The following NFATC2 variants were observed in gnomAD, a reference collection of about 807,000 sequenced individuals.
NFATC2 encodes the protein nuclear factor of activated T cells 2.
Under a neutral mutation model 87.3 loss-of-function variants are expected in NFATC2, and 22 were observed. The observed-to-expected ratio is 0.25, with a 90% confidence interval of 0.18 to 0.36. NFATC2 has a LOEUF of 0.36. Ranked by LOEUF, NFATC2 falls within the 10% of genes least tolerant of loss-of-function variation. NFATC2 has a pLI of 1.00. For synonymous variants in NFATC2, 565 were observed against 542.2 expected, an observed-to-expected ratio of 1.04 and a Z score of -0.58; for missense variants, 1,149 against 1,259.1, an observed-to-expected ratio of 0.91 and a Z score of 1.32.
Position 51,389,524 on chromosome 20 carries a change from T to G in NFATC2, c.*1972A>C, listed in dbSNP as rs1986099147. The G allele has an allele frequency of 6.6e-6, 1 of 152,176 alleles. No individual in the cohort carries two copies. The highest frequency in any genetic ancestry group is 2.4e-5 in the African/African-American group (1 of 41,432). 9.4% of individuals were successfully genotyped at this position (152,176 alleles called of 1,614,324 possible). On this transcript the variant is annotated 3_prime_UTR_variant, in exon 11 of 11. Coordinates refer to ENST00000371564, the MANE Select transcript of NFATC2 (RefSeq NM_012340.5). ...ACTTATTTTGTTCATGAGGAAGTAT[T>G]TAGCATCCCAGAAGTTCCATGGTAG...
chr20:51,457,453 G>A (rs1018876267), intron 5 of NFATC2, among the ~76,000 whole-genome samples: 4 of 152,236 alleles, frequency 2.6e-5, no homozygotes, highest in Non-Finnish European at 5.9e-5. Flanking sequence ...ATCACTGCAC[G>A]CTGCTGTGAA....
At chr20:51,450,181 T>C (rs2146409767) in intron 6 of NFATC2, among the ~76,000 whole-genome samples, 1 of 152,292 alleles carries the variant, frequency 6.6e-6, no homozygotes, top group South Asian at 2.1e-4. Context: ...TGAAGTAACT[T>C]ACTCAGAACG....
chr20:51,449,507 C>T (rs1315842006), intron 6 of NFATC2, among the ~76,000 whole-genome samples: 2 of 152,110 alleles, frequency 1.3e-5, no homozygotes, highest in East Asian at 1.9e-4. Context: ...CTCTTGATGC[C>T]GGAAACACAC....
At chr20:51,515,449 A>G (rs2076336528) in intron 3 of NFATC2, among the ~76,000 whole-genome samples, 1 of 152,228 alleles carries the variant, frequency 6.6e-6, no homozygotes, top group South Asian at 2.1e-4. Flanking sequence ...TACAGAGAAG[A>G]CAGTTTAAAA....
intron 3 of NFATC2, among the ~76,000 whole-genome samples, chr20:51,483,809 C>T (rs1989480819): frequency 6.6e-6 from 1 of 151,962 alleles, no homozygotes; most frequent in Admixed American, 6.6e-5. Context: ...CCCTAAATCC[C>T]ACTCAAATTT....
intron 1 of NFATC2, among the ~76,000 whole-genome samples, chr20:51,556,939 G>A (rs1485722166): frequency 6.6e-6 from 1 of 152,154 alleles, no homozygotes; most frequent in Non-Finnish European, 1.5e-5. Flanking sequence ...AAGCAGGAAG[G>A]GAAGAGATTC....
At chr20:51,539,804 A>G (rs2076777857) in intron 1 of NFATC2, among the ~76,000 whole-genome samples, 1 of 152,080 alleles carries the variant, frequency 6.6e-6, no homozygotes, top group African/African-American at 2.4e-5. Flanking sequence ...CGGCCACAGC[A>G]TCCCTTCTCT....
At chr20:51,444,385 T>G (rs1318173019) in intron 6 of NFATC2, among the ~76,000 whole-genome samples, 1 of 151,590 alleles carries the variant, frequency 6.6e-6, no homozygotes, top group Non-Finnish European at 1.5e-5. Context: ...CGTTTGCTGA[T>G]GTATGGCCCC....
chr20:51,439,553 C>T lies in NFATC2; in HGVS notation c.1850-3792G>A, dbSNP rs537930476. On this transcript the variant is annotated intron_variant, in intron 6 of 10. Coordinates refer to ENST00000371564, the MANE Select transcript of NFATC2 (RefSeq NM_012340.5). Reference sequence around the variant, plus strand: ...AAAGTGAGGCGGTGAGCCGCCACATCCCACAGCCTCCCCAGAGCCTGGTAA... The same window carrying T: ...AAAGTGAGGCGGTGAGCCGCCACATTCCACAGCCTCCCCAGAGCCTGGTAA... 2.0e-5 allele frequency among the ~76,000 whole-genome samples: 3 copies of T among 152,352 alleles called. No homozygotes were observed. The South Asian group carries it at 6.2e-4, about 32-fold the overall frequency.
chr20:51,483,451 G>A lies in NFATC2; in HGVS notation c.1333-7791C>T, dbSNP rs866010263. 2.0e-5 allele frequency among the ~76,000 whole-genome samples: 3 copies of A among 152,066 alleles called. No individual in the cohort carries two copies. The South Asian group carries it at 6.2e-4, about 32-fold the overall frequency. On this transcript the variant is annotated intron_variant, in intron 3 of 10. Transcript: ENST00000371564. ...CCAGGGTGGGGGAGAAGGCCGAGCG[G>A]GAGGGTACCGGGGAAGAGGACTGCA...
At chr20:51,490,412 A>G (rs2075862761) in intron 3 of NFATC2, among the ~76,000 whole-genome samples, 1 of 152,196 alleles carries the variant, frequency 6.6e-6, no homozygotes, top group Admixed American at 6.5e-5. Context: ...TAGTCTCTAA[A>G]GAGGGAAGAA....
intron 1 of NFATC2, among the ~76,000 whole-genome samples, chr20:51,554,569 T>C (rs915074586): frequency 1.3e-4 from 20 of 152,260 alleles, no homozygotes; most frequent in African/African-American, 4.8e-4. Flanking sequence ...CTGACCCCTT[T>C]GTCTTTGCTG....
At chr20:51,529,672 C>A (rs1294811510) in intron 1 of NFATC2, among the ~76,000 whole-genome samples, 1 of 152,062 alleles carries the variant, frequency 6.6e-6, no homozygotes, top group Non-Finnish European at 1.5e-5. Flanking sequence ...TTTTTTTAAC[C>A]ACTTGCACGA....
Position 51,481,958 on chromosome 20 carries a change from T to A in NFATC2, c.1333-6298A>T, listed in dbSNP as rs538246579. ...CAATGCTCAGAGAAGAGCAGTGTTA[T>A]CCCATTTTTAGATGAGAACGGTGAG... is the stretch of plus-strand genomic sequence containing the variant. On this transcript the variant is annotated intron_variant, in intron 3 of 10. Coordinates refer to ENST00000371564, the MANE Select transcript of NFATC2 (RefSeq NM_012340.5). 2.0e-5 allele frequency among the ~76,000 whole-genome samples: 3 copies of A among 152,266 alleles called. No individual in the cohort carries two copies. In the South Asian group the frequency reaches 6.2e-4, roughly 32 times the overall value.
At position 51,542,438 on chromosome 20, in the gene NFATC2, C is replaced by T; in HGVS notation, c.62G>A (p.Gly21Glu). 6.3e-7 allele frequency: 1 copy of T among 1,597,798 alleles called. No individual in the cohort carries two copies. The highest frequency in any genetic ancestry group is 8.5e-7 in the Non-Finnish European group (1 of 1,173,014). Residue 21 changes from glycine to glutamate, a missense_variant, in exon 1 of 11, where the codon GGG becomes GAG. Gly to Glu is a moderately conservative substitution (Grantham distance 98, BLOSUM62 -2). This residue lies in a region of NFATC2 where 563 missense variants were observed against 585.2 expected (regional missense o/e 0.96). Coordinates refer to ENST00000371564, the MANE Select transcript of NFATC2 (RefSeq NM_012340.5). Reference protein sequence around the residue: ...DGGDAPGHEPGGSPQDELDFS... With the variant: ...DGGDAPGHEPEGSPQDELDFS... The stretch of plus-strand genomic sequence containing the variant: ...GTCAAGCTCGTCTTGGGGGCTGCCC[C>T]CAGGCTCGTGGCCTGGGGCGTCCCC...
At chr20:51,420,039 A>G (rs1980650072) in intron 9 of NFATC2, among the ~76,000 whole-genome samples, 1 of 152,088 alleles carries the variant, frequency 6.6e-6, no homozygotes, top group African/African-American at 2.4e-5. Context: ...AACTACACAC[A>G]AACAACCGTA....
intron 1 of NFATC2, among the ~76,000 whole-genome samples, chr20:51,535,271 T>C (rs963352829): frequency 6.6e-6 from 1 of 152,200 alleles, no homozygotes; most frequent in African/African-American, 2.4e-5. Flanking sequence ...CTTCTTTCCA[T>C]CCTCTGCCCA....
Position 51,456,032 on chromosome 20 carries a change from ATGGATGGG to A in NFATC2, c.1709-1352_1709-1345del, listed in dbSNP as rs1484602244. ...GATGGGTGGGTGGGTAGATGGATGA[ATGGATGGG>A]TGGATGGGTGGATGGATGGGTGGGT... is the stretch of plus-strand genomic sequence containing the variant. On this transcript the variant is annotated intron_variant, in intron 5 of 10. Coordinates refer to ENST00000371564, the MANE Select transcript of NFATC2 (RefSeq NM_012340.5). Among the ~76,000 whole-genome samples the A allele has an allele frequency of 7.8e-5, 7 of 89,748 alleles. 1 individual carries two copies. The highest frequency in any genetic ancestry group is 1.8e-4 in the African/African-American group (4 of 22,426). The allele number at this position is 89,748 out of a possible 152,430, so 58.9% of individuals were successfully genotyped here.
chr20:51,462,280 CA>C (rs56939528), intron 5 of NFATC2, among the ~76,000 whole-genome samples: 11,493 of 128,578 alleles, frequency 0.089, 887 homozygotes, highest in African/African-American at 0.22. Flanking sequence ...GCTAATAATA[CA>C]AAAAAAAAAA....
Sources: allele counts gnomAD v4.1 joint callset (sites outside exome capture counted in the v4.1 genomes callset), GRCh38; gene constraint gnomAD v4.1.1; regional missense constraint gnomAD v4.1.1; transcripts MANE v1.5; gene names NCBI Gene and HGNC (gene_info 2026-07-23, HGNC 2026-07-21).